Variants in ARHGAP8 observed in about 807,000 individuals in gnomAD.
ARHGAP8 encodes the protein Rho GTPase activating protein 8, also known as rho GTPase-activating protein 8.
Under a neutral mutation model 46.1 loss-of-function variants are expected in ARHGAP8, and 62 were observed. The ratio of observed to expected loss-of-function variants is 1.34; its 90% CI spans 1.10 to 1.66. The LOEUF (loss-of-function observed/expected upper bound fraction) is 1.66. ARHGAP8 is among the 40% of genes most tolerant of loss of function. ARHGAP8 has a pLI of 0.00. For synonymous variants in ARHGAP8, 375 were observed against 243.1 expected, an observed-to-expected ratio of 1.54 and a Z score of -5.05; for missense variants, 923 against 568.4, an observed-to-expected ratio of 1.62 and a Z score of -6.34.
intron 11 of ARHGAP8, among the ~76,000 whole-genome samples, chr22:44,861,878 T>C (rs933696523): frequency 2.0e-5 from 3 of 152,038 alleles, no homozygotes; most frequent in African/African-American, 7.2e-5. Flanking sequence ...GGCCCCTAGA[T>C]GTGCTGGCTG....
chr22:44,860,529 A>C (rs1282986660), intron 11 of ARHGAP8, among the ~76,000 whole-genome samples: 2 of 95,742 alleles, frequency 2.1e-5, no homozygotes, highest in African/African-American at 3.7e-5. Flanking sequence ...ATGACGCGGG[A>C]TGATCTCATC....
At chr22:44,829,749 A>G (rs941700737) in intron 7 of ARHGAP8, among the ~76,000 whole-genome samples, 1 of 152,282 alleles carries the variant, frequency 6.6e-6, no homozygotes, top group African/African-American at 2.4e-5. Flanking sequence ...ATTAAAATTC[A>G]TAACTGAATC....
chr22:44,842,938 G>C (rs1052006088), intron 7 of ARHGAP8, among the ~76,000 whole-genome samples: 4 of 152,206 alleles, frequency 2.6e-5, no homozygotes, highest in African/African-American at 9.6e-5. Flanking sequence ...CCAGCATTGT[G>C]TTCTGTTTTG....
At chr22:44,852,589 A>G (rs2070124380) in intron 10 of ARHGAP8, among the ~76,000 whole-genome samples, 1 of 152,096 alleles carries the variant, frequency 6.6e-6, no homozygotes, top group South Asian at 2.1e-4. Flanking sequence ...GAGTTGGTAG[A>G]TTGTCTCATG....
At chr22:44,825,915 C>T (rs1229454052) in intron 7 of ARHGAP8, among the ~76,000 whole-genome samples, 2 of 98,334 alleles carry the variant, frequency 2.0e-5, no homozygotes, top group African/African-American at 8.5e-5. Context: ...TGGGGGGGCG[C>T]GTGCTGGGTG....
chr22:44,770,282 A>C (rs1475689664), intron 1 of ARHGAP8, among the ~76,000 whole-genome samples: 5 of 151,938 alleles, frequency 3.3e-5, no homozygotes, highest in African/African-American at 1.2e-4. Context: ...ACAAAAAGAA[A>C]ATTCTCCTTG....
At chr22:44,808,579 C>T in intron 4 of ARHGAP8, 141 bp downstream of exon 4, 1 of 1,460,668 alleles carries the variant, frequency 6.8e-7, no homozygotes, top group South Asian at 1.2e-5. Flanking sequence ...AAATGTGGGG[C>T]AGTGGAGGTT....
chr22:44,786,153 G>A (rs371761906), intron 1 of ARHGAP8: 106 of 497,102 alleles, frequency 2.1e-4, no homozygotes, highest in African/African-American at 1.7e-3. Flanking sequence ...GTGGGTGCTC[G>A]GCTGATGTCG....
At chr22:44,775,407 A>G (rs948774644) in intron 1 of ARHGAP8, among the ~76,000 whole-genome samples, 1 of 151,564 alleles carries the variant, frequency 6.6e-6, no homozygotes, top group Non-Finnish European at 1.5e-5. Flanking sequence ...ACCTGTGGAC[A>G]ACTCCAGCAG....
chr22:44,824,604 A>G (rs1203802252), intron 6 of ARHGAP8, among the ~76,000 whole-genome samples: 4 of 150,508 alleles, frequency 2.7e-5, no homozygotes, highest in African/African-American at 7.4e-5. Context: ...CTGAGCACAG[A>G]GGGTCTTTTC....
chr22:44,811,634 T>A lies in ARHGAP8; in HGVS notation c.300-3038T>A, dbSNP rs538064973. On this transcript the variant is annotated intron_variant, in intron 4 of 11. Coordinates refer to ENST00000356099, the MANE Select transcript of ARHGAP8 (RefSeq NM_181335.3). Reference sequence around the variant, plus strand: ...GTAGAAGCAAAAAGGAGGGACACTCTAGGCATCAAACTACCCAAAAGTGTA... The same window carrying A: ...GTAGAAGCAAAAAGGAGGGACACTCAAGGCATCAAACTACCCAAAAGTGTA... Among the ~76,000 whole-genome samples, 6 of 152,304 alleles carry A rather than the reference T, an allele frequency of 3.9e-5. No individual in the cohort carries two copies. In the South Asian group the frequency reaches 1.2e-3, roughly 32 times the overall value.
At chr22:44,796,151 A>AGGTT (rs1396068415) in intron 2 of ARHGAP8, among the ~76,000 whole-genome samples, 1 of 152,170 alleles carries the variant, frequency 6.6e-6, no homozygotes, top group Non-Finnish European at 1.5e-5. Flanking sequence ...ACACCCCCTG[A>AGGTT]GGTTCCTCAG....
chr22:44,826,005 G>A (rs1216861597), intron 7 of ARHGAP8, among the ~76,000 whole-genome samples: 1 of 151,980 alleles, frequency 6.6e-6, no homozygotes, highest in Non-Finnish European at 1.5e-5. Flanking sequence ...GGTCTCTGGG[G>A]TTCCCGCCCC....
chr22:44,862,431 A>C lies in ARHGAP8; in HGVS notation c.1138A>C (p.Ile380Leu). The C allele has an allele frequency of 6.2e-7, 1 of 1,614,098 alleles. No homozygotes were observed. Among genetic ancestry groups the C allele is most frequent in the Non-Finnish European group, 8.5e-7 (1 of 1,180,004 alleles). The part of the protein sequence containing the change: ...TELLIEYYEK[I>L]FSTPEAPGEH... ...ACTGCTGATCGAGTACTATGAAAAG[A>C]TCTTCAGCACCCCGGAGGCACCTGG... is the stretch of plus-strand genomic sequence containing the variant. Residue 380 changes from isoleucine (I) to leucine (L), a missense_variant, in exon 12 of 12, where the codon ATC becomes CTC. Transcript: ENST00000356099.
intron 7 of ARHGAP8, among the ~76,000 whole-genome samples, chr22:44,837,678 C>G (rs1056761918): frequency 1.3e-5 from 2 of 152,150 alleles, no homozygotes; most frequent in Non-Finnish European, 2.9e-5. Context: ...GAACAAGCCT[C>G]TCTCTCCGAG....
chr22:44,822,220 G>A, intron 5 of ARHGAP8, 151 bp from the exon 6 acceptor site: 1 of 628,478 alleles, frequency 1.6e-6, no homozygotes, highest in East Asian at 3.3e-5. Context: ...CTTGTGTTAT[G>A]TTCGGGTTTT....
At chr22:44,830,296 T>C (rs1398241506) in intron 7 of ARHGAP8, among the ~76,000 whole-genome samples, 1 of 152,032 alleles carries the variant, frequency 6.6e-6, no homozygotes. Flanking sequence ...AGTGCTGTGA[T>C]TACAGGCGTG....
chr22:44,832,423 A>G (rs1461649157), intron 7 of ARHGAP8, among the ~76,000 whole-genome samples: 1 of 151,544 alleles, frequency 6.6e-6, no homozygotes, highest in African/African-American at 2.4e-5. Context: ...ATGGTGTTTC[A>G]CCATGTTGGC....
chr22:44,776,683 C>T (rs994640284), intron 1 of ARHGAP8, among the ~76,000 whole-genome samples: 2 of 152,114 alleles, frequency 1.3e-5, no homozygotes, highest in East Asian at 1.9e-4. Flanking sequence ...CTTCACTTGC[C>T]GGTTCCCAGC....
Sources: gnomAD v4.1 joint callset for allele counts (sites outside exome capture counted in the v4.1 genomes callset) on GRCh38, gnomAD v4.1.1 for gene constraint, MANE v1.5 for transcripts, NCBI Gene and HGNC (gene_info 2026-07-23, HGNC 2026-07-21) for gene names.